Variants in MMUT observed in about 807,000 individuals in gnomAD.
MMUT encodes the protein methylmalonyl-CoA mutase, mitochondrial.
A neutral mutation model predicts 79.9 loss-of-function variants in MMUT; 79 were observed. That is an observed-to-expected ratio of 0.99 (90% CI 0.82 to 1.19). The LOEUF (loss-of-function observed/expected upper bound fraction) is 1.19. MMUT is among the 50% of genes most tolerant of loss of function. The probability of loss-of-function intolerance (pLI) is 0.00; values close to 1 mark genes in which losing one functional copy is unlikely to be tolerated. For missense variants in MMUT, 860 were observed against 917.2 expected, an observed-to-expected ratio of 0.94 and a Z score of 0.81; for synonymous variants, 273 against 295.7, an observed-to-expected ratio of 0.92 and a Z score of 0.79.
At position 49,440,253 on chromosome 6, in the gene MMUT, C is replaced by T. The variant is rs781501004; in HGVS notation, c.1909G>A (p.Gly637Arg). 11 of 1,613,990 alleles carry T rather than the reference C, an allele frequency of 6.8e-6. No homozygotes were observed. Among genetic ancestry groups the T allele is most frequent in the Non-Finnish European group, 7.6e-6 (9 of 1,179,992 alleles). Residue 637 changes from glycine (G) to arginine (R), a missense_variant, in exon 11 of 13, where the codon GGA becomes AGA. Physicochemically the swap from Gly to Arg is moderately radical, Grantham distance 125 (BLOSUM62 -2). Transcript: ENST00000274813. Reference sequence around the variant, plus strand: ...ACATCAAAACCAAGATCAGCAAATCCTGTAGCAATAACTTTTGCTCCTCTG... The same window carrying T: ...ACATCAAAACCAAGATCAGCAAATCTTGTAGCAATAACTTTTGCTCCTCTG... ...HDRGAKVIATGFADLGFDVDI... is the reference protein window; with the variant it reads ...HDRGAKVIATRFADLGFDVDI...
At chr6:49,440,504 T>A (rs1767247147) in intron 10 of MMUT, 151 bp from the exon 11 acceptor site, 1 of 846,666 alleles carries the variant, frequency 1.2e-6, no homozygotes, top group Admixed American at 2.8e-5. Context: ...TTTTTCCAAT[T>A]TTTATTTTAC....
intron 12 of MMUT, among the ~76,000 whole-genome samples, chr6:49,432,735 G>A (rs1220104850): frequency 6.6e-6 from 1 of 152,084 alleles, no homozygotes; most frequent in African/African-American, 2.4e-5. Context: ...GATATCAAGG[G>A]CACAAATAAT....
At chr6:49,431,911 A>G in intron 12 of MMUT, 55 bp from the exon 13 acceptor site, 1 of 1,572,900 alleles carries the variant, frequency 6.4e-7, no homozygotes, top group Non-Finnish European at 8.7e-7. Context: ...TTTCACGGAA[A>G]TAAAACCCTA....
Position 49,456,652 on chromosome 6 carries a change from T to G in MMUT, c.754-415A>C, listed in dbSNP as rs1767698801. 2.6e-5 allele frequency among the ~76,000 whole-genome samples: 4 copies of G among 152,174 alleles called. No individual in the cohort carries two copies. The South Asian group carries it at 8.3e-4, about 32-fold the overall frequency. ...GGTTAATCTGCTTAAGATGTATAAA[T>G]TTATTATTATTTACTAGTTATTAAT... On this transcript the variant is annotated intron_variant, in intron 3 of 12. Transcript: ENST00000274813.
At chr6:49,461,580 C>T (rs1479351905) in intron 1 of MMUT, among the ~76,000 whole-genome samples, 1 of 151,940 alleles carries the variant, frequency 6.6e-6, no homozygotes, top group Non-Finnish European at 1.5e-5. Flanking sequence ...ACCAGCCTGG[C>T]CAACACGGTG....
At chr6:49,455,338 T>C (rs1458073591) in intron 4 of MMUT, among the ~76,000 whole-genome samples, 3 of 152,156 alleles carry the variant, frequency 2.0e-5, no homozygotes, top group Non-Finnish European at 4.4e-5. Context: ...AACATAAGCA[T>C]AAAAACAGTT....
intron 5 of MMUT, among the ~76,000 whole-genome samples, chr6:49,452,033 T>A (rs150642150): frequency 6.6e-6 from 1 of 152,354 alleles, no homozygotes; most frequent in East Asian, 1.9e-4. Flanking sequence ...GTCCTTCATT[T>A]CATAATTCAC....
rs121918253 is a variant in MMUT at position 49,459,118 on chromosome 6, C to A, written c.349G>T (p.Glu117Ter). 6.8e-6 allele frequency: 11 copies of A among 1,614,154 alleles called. No homozygotes were observed. In the East Asian group the frequency reaches 2.5e-4, roughly 36 times the overall value. ...TCCTTATAGAACTTATTGCTTTCTTCCACAGTACTAAAACCAGCATACTGG... is the reference window on the plus strand; with the variant it reads ...TCCTTATAGAACTTATTGCTTTCTTACACAGTACTAAAACCAGCATACTGG... ...IRQYAGFSTV[E>*]ESNKFYKDNI... The change falls in exon 2 of 13, where the codon GAA (glutamate) becomes TAA (stop). Residue 117 changes from glutamate to a stop codon, truncating the protein, a stop_gained. Coordinates refer to ENST00000274813, the MANE Select transcript of MMUT (RefSeq NM_000255.4). LOFTEE classifies it high-confidence loss of function.
At position 49,459,380 on chromosome 6, in the gene MMUT, C is replaced by T. The variant is rs886061560; in HGVS notation, c.87G>A (p.Gln29=). ...VKESSGSRLI[Q]QRLLHQQQPL... is the part of the protein sequence containing the mutation. ...GCTGTTGCTGGTGTAGAAGTCGTTG[C>T]TGTATGAGCCTGGAGCCTGATGATT... Residue 29 remains glutamine (Q), a synonymous_variant, in exon 2 of 13, where the codon CAG becomes CAA. Transcript: ENST00000274813. The T allele has an allele frequency of 1.2e-6, 2 of 1,613,402 alleles. No homozygotes were observed. Among genetic ancestry groups the T allele is most frequent in the East Asian group, 2.2e-5 (1 of 44,872 alleles).
intron 10 of MMUT, among the ~76,000 whole-genome samples, chr6:49,441,126 A>G (rs1767261860): frequency 6.6e-6 from 1 of 152,158 alleles, no homozygotes; most frequent in African/African-American, 2.4e-5. Context: ...AAGTATGGAA[A>G]TTCAGTTTTT....
intron 9 of MMUT, 59 bp downstream of exon 9, chr6:49,444,580 G>A: frequency 2.8e-6 from 4 of 1,419,006 alleles, no homozygotes; most frequent in Non-Finnish European, 4.0e-6. Flanking sequence ...AGTATACTCT[G>A]AAAAGCTAAA....
chr6:49,431,544 A>T lies in MMUT; in HGVS notation c.*184T>A. ...TTTAGGGATTTTTTTTTTATTTTTG[A>T]AGTGAAACTGTATGTACATACTTAT... On this transcript the variant is annotated 3_prime_UTR_variant, in exon 13 of 13. Transcript: ENST00000274813. The T allele has an allele frequency of 1.9e-6, 1 of 531,898 alleles. No homozygotes were observed. Among genetic ancestry groups the T allele is most frequent in the African/African-American group, 1.9e-5 (1 of 51,880 alleles). 32.9% of individuals were successfully genotyped at this position (531,898 alleles called of 1,614,324 possible).
chr6:49,461,453 T>C (rs1767839940), intron 1 of MMUT, among the ~76,000 whole-genome samples: 1 of 152,106 alleles, frequency 6.6e-6, no homozygotes, highest in African/African-American at 2.4e-5. Context: ...AAAAAGTACA[T>C]AGAACAAAGT....
intron 11 of MMUT, among the ~76,000 whole-genome samples, 161 bp downstream of exon 11, chr6:49,440,045 T>C (rs1434533724): frequency 1.3e-5 from 2 of 152,248 alleles, no homozygotes; most frequent in East Asian, 1.9e-4. Context: ...GTGGGCCTTA[T>C]GGGCAGGAAT....
At chr6:49,447,903 T>A in intron 7 of MMUT, 118 bp from the exon 8 acceptor site, 1 of 670,052 alleles carries the variant, frequency 1.5e-6, no homozygotes, top group South Asian at 1.7e-5. Flanking sequence ...TAATTCTTAA[T>A]GCAACTTCAA....
intron 3 of MMUT, among the ~76,000 whole-genome samples, chr6:49,456,643 A>G (rs888659543): frequency 4.6e-5 from 7 of 152,170 alleles, no homozygotes; most frequent in African/African-American, 1.7e-4. Flanking sequence ...TCTGCTTAAG[A>G]TGTATAAATT....
chr6:49,444,812 C>T, intron 8 of MMUT, 58 bp from the exon 9 acceptor site: 1 of 1,399,146 alleles, frequency 7.1e-7, no homozygotes, highest in Non-Finnish European at 1.0e-6. Flanking sequence ...AAACAGAGAT[C>T]AAGAGATTAG....
At chr6:49,454,046 T>C (rs1767626449) in intron 4 of MMUT, among the ~76,000 whole-genome samples, 1 of 152,194 alleles carries the variant, frequency 6.6e-6, no homozygotes. Flanking sequence ...AAAGATTCAA[T>C]TTATTTAAAA....
chr6:49,451,363 A>T, intron 6 of MMUT, 103 bp downstream of exon 6: 1 of 1,313,926 alleles, frequency 7.6e-7, no homozygotes, highest in Non-Finnish European at 1.0e-6. Flanking sequence ...GATTTGATTT[A>T]TAAATTTAAA....
Sources: allele counts gnomAD v4.1 joint callset (sites outside exome capture counted in the v4.1 genomes callset), GRCh38; gene constraint gnomAD v4.1.1; transcripts MANE v1.5; gene names NCBI Gene and HGNC (gene_info 2026-07-23, HGNC 2026-07-21).